EXOC4: variants seen among roughly 807,000 people sequenced by gnomAD.
EXOC4 encodes SEC8-like 1.
EXOC4 carries 71 observed loss-of-function variants against 107.2 expected under a neutral mutation model. The ratio of observed to expected loss-of-function variants is 0.66; its 90% CI spans 0.55 to 0.81. The LOEUF (loss-of-function observed/expected upper bound fraction) is 0.81, where lower values mean the gene tolerates loss of function less well. EXOC4 is among the 30% of genes least tolerant of loss of function. The probability of loss-of-function intolerance (pLI) is 0.00; values close to 1 mark genes in which losing one functional copy is unlikely to be tolerated. For missense variants in EXOC4, 1,108 were observed against 1,189.6 expected, an observed-to-expected ratio of 0.93 and a Z score of 1.01; for synonymous variants, 456 against 441.2, an observed-to-expected ratio of 1.03 and a Z score of -0.42.
At chr7:133,544,165 C>A (rs1436960166) in intron 9 of EXOC4, among the ~76,000 whole-genome samples, 1 of 152,064 alleles carries the variant, frequency 6.6e-6, no homozygotes, top group Non-Finnish European at 1.5e-5. Flanking sequence ...TCCTCACCAT[C>A]TATACTTGCA....
intron 11 of EXOC4, among the ~76,000 whole-genome samples, chr7:133,835,112 T>G (rs927336078): frequency 1.3e-5 from 2 of 152,206 alleles, no homozygotes; most frequent in African/African-American, 4.8e-5. Context: ...CCTGTATGAA[T>G]TTCCCAGTCT....
chr7:133,742,519 A>G (rs1795587884), intron 10 of EXOC4, among the ~76,000 whole-genome samples: 1 of 152,224 alleles, frequency 6.6e-6, no homozygotes, highest in African/African-American at 2.4e-5. Context: ...TTAGTATTCC[A>G]TAAAACTTGG....
At chr7:133,323,283 T>C (rs1795158071) in intron 5 of EXOC4, among the ~76,000 whole-genome samples, 1 of 152,210 alleles carries the variant, frequency 6.6e-6, no homozygotes, top group African/African-American at 2.4e-5. Flanking sequence ...CATCGTTTTC[T>C]TGTGCTGGTT....
At chr7:133,338,294 T>G (rs73148931) in intron 5 of EXOC4, among the ~76,000 whole-genome samples, 2 of 151,680 alleles carry the variant, frequency 1.3e-5, no homozygotes, top group Non-Finnish European at 2.9e-5. Flanking sequence ...CATTTTATTT[T>G]TAAAAATTTT....
At chr7:133,920,909 A>T (rs188151261) in intron 13 of EXOC4, among the ~76,000 whole-genome samples, 4 of 152,326 alleles carry the variant, frequency 2.6e-5, no homozygotes, top group Non-Finnish European at 2.9e-5. Context: ...CACTTAAAGG[A>T]TAATTTCACT....
At chr7:133,803,531 A>G (rs985452165) in intron 10 of EXOC4, among the ~76,000 whole-genome samples, 1 of 152,196 alleles carries the variant, frequency 6.6e-6, no homozygotes, top group Non-Finnish European at 1.5e-5. Context: ...ATCCAAAAGA[A>G]TATCAGTTCT....
At chr7:133,628,128 G>A (rs1802501999) in intron 9 of EXOC4, among the ~76,000 whole-genome samples, 1 of 151,010 alleles carries the variant, frequency 6.6e-6, no homozygotes, top group Non-Finnish European at 1.5e-5. Context: ...CTAGGGTTTT[G>A]AGGAAGCCCA....
intron 9 of EXOC4, among the ~76,000 whole-genome samples, chr7:133,508,119 T>C (rs557465939): frequency 5.9e-5 from 9 of 152,228 alleles, no homozygotes; most frequent in Middle Eastern, 3.4e-3. Flanking sequence ...ATTTTTTTTT[T>C]ATCCATGACT....
intron 10 of EXOC4, among the ~76,000 whole-genome samples, chr7:133,752,014 T>TAAA (rs75110052): frequency 0.13 from 19,008 of 151,476 alleles, 1,650 homozygotes; most frequent in Non-Finnish European, 0.19. Context: ...AATAAATAAA[T>TAAA]TATCTGGGCA....
chr7:133,889,384 A>G (rs1477951030), intron 11 of EXOC4, among the ~76,000 whole-genome samples: 1 of 149,874 alleles, frequency 6.7e-6, no homozygotes, highest in Non-Finnish European at 1.5e-5. Context: ...TTTTTTTTTC[A>G]GAGTCCACAG....
chr7:133,373,293 T>A (rs1042603151), intron 6 of EXOC4, among the ~76,000 whole-genome samples: 3 of 152,222 alleles, frequency 2.0e-5, no homozygotes, highest in Admixed American at 6.5e-5. Flanking sequence ...ATTTTAGATA[T>A]ATGTGAGTAT....
At chr7:133,424,444 C>T (rs897514721) in intron 7 of EXOC4, among the ~76,000 whole-genome samples, 1 of 152,034 alleles carries the variant, frequency 6.6e-6, no homozygotes, top group Non-Finnish European at 1.5e-5. Context: ...CCAAGAAACT[C>T]CGGACACATC....
At position 133,487,900 on chromosome 7, in the gene EXOC4, T is replaced by G. The variant is rs541328357; in HGVS notation, c.1417+7762T>G. ...CTTTGCTCATCTTATTAGACATTTTTTAGGCCCACAAGAAAGTATATTTTT... is the reference window on the plus strand; with the variant it reads ...CTTTGCTCATCTTATTAGACATTTTGTAGGCCCACAAGAAAGTATATTTTT... On this transcript the variant is annotated intron_variant, in intron 9 of 17. Transcript: ENST00000253861. Among the ~76,000 whole-genome samples the G allele has an allele frequency of 1.7e-4, 26 of 152,308 alleles. 1 individual carries two copies. In the South Asian group the frequency reaches 5.4e-3, roughly 32 times the overall value.
intron 7 of EXOC4, among the ~76,000 whole-genome samples, chr7:133,435,169 CT>C (rs1322320868): frequency 6.6e-6 from 1 of 152,116 alleles, no homozygotes; most frequent in African/African-American, 2.4e-5. Flanking sequence ...TTAATCGATG[CT>C]TTGGTTGCAC....
intron 11 of EXOC4, among the ~76,000 whole-genome samples, chr7:133,847,976 C>T (rs552308486): frequency 1.9e-4 from 28 of 150,490 alleles, no homozygotes; most frequent in African/African-American, 6.1e-4. Flanking sequence ...GTGATCTACC[C>T]GCCTCGGCCT....
At chr7:133,647,296 A>T (rs1017834749) in intron 10 of EXOC4, among the ~76,000 whole-genome samples, 1 of 152,180 alleles carries the variant, frequency 6.6e-6, no homozygotes, top group Non-Finnish European at 1.5e-5. Context: ...ATTCTGGGTC[A>T]TTTGAAATTT....
chr7:133,869,126 T>C (rs1203235338), intron 11 of EXOC4, among the ~76,000 whole-genome samples: 3 of 150,822 alleles, frequency 2.0e-5, no homozygotes, highest in African/African-American at 7.3e-5. Flanking sequence ...TCTAGAGCAC[T>C]CAGGGTCATG....
At chr7:133,388,832 T>C (rs1049357914) in intron 7 of EXOC4, among the ~76,000 whole-genome samples, 3 of 152,218 alleles carry the variant, frequency 2.0e-5, no homozygotes, top group Non-Finnish European at 4.4e-5. Context: ...TATAAGTTCC[T>C]GCTCCATCTG....
chr7:133,747,952 T>A (rs1353323572), intron 10 of EXOC4, among the ~76,000 whole-genome samples: 2 of 152,156 alleles, frequency 1.3e-5, no homozygotes, highest in African/African-American at 4.8e-5. Context: ...GAAGATTTGG[T>A]CTTTCAGATT....
Sources: gnomAD v4.1 joint callset for allele counts (sites outside exome capture counted in the v4.1 genomes callset) on GRCh38, gnomAD v4.1.1 for gene constraint, MANE v1.5 for transcripts, NCBI Gene and HGNC (gene_info 2026-07-23, HGNC 2026-07-21) for gene names.